The following ARHGAP21 variants were observed in gnomAD, a reference collection of about 807,000 sequenced individuals.
The protein encoded by ARHGAP21 is Rho GTPase activating protein 21, also known as rho GTPase-activating protein 21.
ARHGAP21 carries 38 observed loss-of-function variants against 164.6 expected under a neutral mutation model. The observed-to-expected ratio is 0.23, with a 90% CI of 0.18 to 0.30. The LOEUF is 0.30. Among genes scored for constraint, ARHGAP21 ranks in the 10% least tolerant of loss-of-function variants. ARHGAP21 has a pLI of 1.00. For synonymous variants in ARHGAP21, 766 were observed against 857.9 expected (o/e 0.89, Z 1.87); for missense variants, 1,822 against 2,370.7 (o/e 0.77, Z 4.81).
chr10:24,630,813 AT>A (rs1270321617), intron 6 of ARHGAP21, among the ~76,000 whole-genome samples: 2 of 152,072 alleles, frequency 1.3e-5, no homozygotes, highest in Non-Finnish European at 2.9e-5. Flanking sequence ...AAACATCTTA[AT>A]TTTGCAATAT....
intron 6 of ARHGAP21, among the ~76,000 whole-genome samples, chr10:24,632,719 C>T (rs181313772): frequency 6.6e-6 from 1 of 152,286 alleles, no homozygotes; most frequent in Admixed American, 6.5e-5. Context: ...AGAAGAACCT[C>T]TTACAACAGA....
chr10:24,605,941 C>A (rs2077005866), intron 11 of ARHGAP21, among the ~76,000 whole-genome samples: 2 of 151,838 alleles, frequency 1.3e-5, no homozygotes, highest in South Asian at 4.2e-4. Flanking sequence ...TAGAGCCCCA[C>A]AATAAAATTA....
chr10:24,648,799 C>T (rs1027906266), intron 4 of ARHGAP21: 7 of 801,626 alleles, frequency 8.7e-6, no homozygotes, highest in Non-Finnish European at 1.0e-5. Flanking sequence ...AAAAAAAAAT[C>T]ATCATAGGTC....
intron 12 of ARHGAP21, among the ~76,000 whole-genome samples, chr10:24,603,443 T>G (rs1259373277): frequency 6.6e-6 from 1 of 152,058 alleles, no homozygotes; most frequent in Non-Finnish European, 1.5e-5. Flanking sequence ...TTTCAAGGGG[T>G]TCTGCTGTGA....
chr10:24,669,719 CTG>C (rs1426408753), intron 3 of ARHGAP21, among the ~76,000 whole-genome samples: 4 of 152,198 alleles, frequency 2.6e-5, no homozygotes, highest in Non-Finnish European at 4.4e-5. Context: ...CCTTTTCAGG[CTG>C]TGTTACTGTC....
At chr10:24,590,811 G>C (rs2130758810) in intron 24 of ARHGAP21, 2 of 985,196 alleles carry the variant, frequency 2.0e-6, no homozygotes, top group South Asian at 4.7e-5. Context: ...CTTTTAAACA[G>C]AACTCCTGGC....
chr10:24,598,420 A>G (rs560080420), intron 14 of ARHGAP21, among the ~76,000 whole-genome samples: 2 of 152,264 alleles, frequency 1.3e-5, no homozygotes, highest in Admixed American at 6.5e-5. Context: ...ATAGGTGGAT[A>G]AAAGATGAAA....
At chr10:24,710,173 G>A (rs1844643274) in intron 2 of ARHGAP21, among the ~76,000 whole-genome samples, 1 of 151,906 alleles carries the variant, frequency 6.6e-6, no homozygotes, top group Admixed American at 6.6e-5. Flanking sequence ...CTACAGCTAG[G>A]GAGAATATCC....
intron 12 of ARHGAP21, among the ~76,000 whole-genome samples, chr10:24,602,440 T>C (rs2076852140): frequency 6.6e-6 from 1 of 152,170 alleles, no homozygotes; most frequent in African/African-American, 2.4e-5. Flanking sequence ...AGCTAGAACC[T>C]GGTGATGAGG....
At chr10:24,651,981 A>G (rs1292104535) in intron 4 of ARHGAP21, among the ~76,000 whole-genome samples, 2 of 152,240 alleles carry the variant, frequency 1.3e-5, no homozygotes, top group Admixed American at 6.5e-5. Context: ...TGGTGCAAAG[A>G]AAGTGATCAA....
At chr10:24,600,151 G>GCTGA (rs1208842582) in intron 14 of ARHGAP21, among the ~76,000 whole-genome samples, 8 of 85,296 alleles carry the variant, frequency 9.4e-5, no homozygotes, top group African/African-American at 3.6e-4. Flanking sequence ...AAAAAAAAAA[G>GCTGA]CTGACTTATG....
At chr10:24,641,428 A>G (rs1394407902) in intron 4 of ARHGAP21, among the ~76,000 whole-genome samples, 2 of 152,140 alleles carry the variant, frequency 1.3e-5, no homozygotes, top group Admixed American at 1.3e-4. Context: ...TATATCTCCA[A>G]GTCTCCAATC....
intron 4 of ARHGAP21, among the ~76,000 whole-genome samples, chr10:24,638,595 C>A (rs1237300660): frequency 6.6e-6 from 1 of 152,214 alleles, no homozygotes; most frequent in African/African-American, 2.4e-5. Flanking sequence ...AGATGGCTTC[C>A]CTGGCAATTC....
intron 9 of ARHGAP21, among the ~76,000 whole-genome samples, chr10:24,608,452 T>A (rs1024899167): frequency 1.3e-5 from 2 of 152,164 alleles, no homozygotes; most frequent in African/African-American, 4.8e-5. Flanking sequence ...CTTACTCTTA[T>A]AAAAACATCA....
intron 21 of ARHGAP21, among the ~76,000 whole-genome samples, chr10:24,593,146 C>T (rs2076411244): frequency 6.6e-6 from 1 of 152,158 alleles, no homozygotes. Context: ...GCAACTGCTG[C>T]ACACCTAACA....
chr10:24,684,295 A>G (rs1385852915), intron 2 of ARHGAP21, among the ~76,000 whole-genome samples: 1 of 152,148 alleles, frequency 6.6e-6, no homozygotes, highest in African/African-American at 2.4e-5. Context: ...TGAAAAGAAA[A>G]AAAAAACCCA....
chr10:24,619,946 C>T lies in ARHGAP21; in HGVS notation c.1949G>A (p.Arg650Lys), dbSNP rs1253916340. The change falls in exon 9 of 26, where the codon AGA becomes AAA. Residue 650 changes from arginine to lysine, a missense_variant. Arg to Lys is a conservative substitution (Grantham distance 26). Coordinates refer to ENST00000396432, the MANE Select transcript of ARHGAP21 (RefSeq NM_020824.4). ...QKSFVSIKDQRPVNHLHQNSL... is the reference protein window; with the variant it reads ...QKSFVSIKDQKPVNHLHQNSL... ...GTTCTGATGCAAGTGATTTACTGGT[C>T]TTTGGTCTTTGATAGAAACAAATGA... 3 of 1,614,080 alleles carry T rather than the reference C, an allele frequency of 1.9e-6. No homozygotes were observed. In the South Asian group the frequency reaches 3.3e-5, roughly 18 times the overall value.
chr10:24,599,147 C>T (rs1407067070), intron 14 of ARHGAP21, among the ~76,000 whole-genome samples: 2 of 152,210 alleles, frequency 1.3e-5, no homozygotes, highest in Non-Finnish European at 2.9e-5. Flanking sequence ...AGGCATTCTT[C>T]ACATGCATTA....
chr10:24,590,007 T>C (rs2076267179), intron 24 of ARHGAP21: 1 of 235,044 alleles, frequency 4.3e-6, no homozygotes, highest in Non-Finnish European at 7.2e-6. Context: ...ATAATTTTAC[T>C]GTCTGGCAAA....
Sources: gnomAD v4.1 joint callset for allele counts (sites outside exome capture counted in the v4.1 genomes callset) on GRCh38, gnomAD v4.1.1 for gene constraint, MANE v1.5 for transcripts, NCBI Gene and HGNC (gene_info 2026-07-23, HGNC 2026-07-21) for gene names.